RANBP2: variants seen among roughly 807,000 people sequenced by gnomAD.
The protein encoded by RANBP2 is E3 SUMO-protein ligase RanBP2.
Under a neutral mutation model 303.6 loss-of-function variants are expected in RANBP2, and 57 were observed. The observed-to-expected ratio is 0.19, with a 90% confidence interval of 0.15 to 0.23. The LOEUF (loss-of-function observed/expected upper bound fraction) is 0.23, where lower values mean the gene tolerates loss of function less well. Among genes scored for constraint, RANBP2 ranks in the 10% least tolerant of loss-of-function variants. The pLI is 1.00. For missense variants in RANBP2, 3,138 were observed against 3,780.8 expected, an observed-to-expected ratio of 0.83 and a Z score of 4.46; for synonymous variants, 1,167 against 1,301.5, an observed-to-expected ratio of 0.90 and a Z score of 2.23.
the RANBP2 span, among the ~76,000 whole-genome samples, chr2:108,881,989 C>CA: frequency 6.6e-6 from 1 of 151,740 alleles, no homozygotes; most frequent in Non-Finnish European, 1.5e-5. Context: ...ACAAAAAGAG[C>CA]AAAAACAGAA....
chr2:109,062,939 T>G, the RANBP2 span, among the ~76,000 whole-genome samples: 1 of 152,072 alleles, frequency 6.6e-6, no homozygotes, highest in Non-Finnish European at 1.5e-5. Flanking sequence ...TGGTGCCAAC[T>G]GCAGGCAGCC....
the RANBP2 span, among the ~76,000 whole-genome samples, chr2:109,004,944 A>C: frequency 1.3e-5 from 2 of 152,142 alleles, no homozygotes; most frequent in Non-Finnish European, 2.9e-5. Context: ...CCACGCTATC[A>C]CTAATTCTCA....
chr2:109,566,287 A>C, the RANBP2 span, among the ~76,000 whole-genome samples: 1 of 151,698 alleles, frequency 6.6e-6, no homozygotes, highest in East Asian at 1.9e-4. Flanking sequence ...CATCCAGCTA[A>C]TTTTTGCATT....
chr2:109,434,913 C>G, the RANBP2 span, among the ~76,000 whole-genome samples: 1 of 151,866 alleles, frequency 6.6e-6, no homozygotes, highest in East Asian at 1.9e-4. Context: ...ACTGTCTTCT[C>G]CTGCTGCCAG....
At chr2:109,012,900 C>T in the RANBP2 span, among the ~76,000 whole-genome samples, 3 of 152,080 alleles carry the variant, frequency 2.0e-5, no homozygotes, top group East Asian at 3.9e-4. Flanking sequence ...GGCGACAGAG[C>T]GAGACTCCAT....
chr2:109,293,513 A>G, the RANBP2 span, among the ~76,000 whole-genome samples: 2 of 152,122 alleles, frequency 1.3e-5, no homozygotes, highest in African/African-American at 4.8e-5. Context: ...GTCAGCCCCC[A>G]TGTCAGGCAG....
the RANBP2 span, among the ~76,000 whole-genome samples, chr2:108,968,879 C>T: frequency 8.8e-3 from 1,345 of 152,302 alleles, 14 homozygotes; most frequent in African/African-American, 0.029. Flanking sequence ...AGCCCAGTCA[C>T]GGTAGGGTTA....
chr2:108,923,025 G>T, the RANBP2 span, among the ~76,000 whole-genome samples: 2 of 152,176 alleles, frequency 1.3e-5, no homozygotes, highest in Non-Finnish European at 2.9e-5. Flanking sequence ...TTGCCTCTGT[G>T]ATCTCCTTTG....
chr2:108,727,950 C>T (rs58060077), intron 1 of RANBP2, among the ~76,000 whole-genome samples: 1,994 of 152,190 alleles, frequency 0.013, 46 homozygotes, highest in African/African-American at 0.046. Flanking sequence ...AACCAAGGAG[C>T]CAGGCTGTGG....
At chr2:108,786,824 T>C (rs770327350), downstream of RANBP2, 9 of 1,589,060 alleles carry the variant, frequency 5.7e-6, no homozygotes, top group Admixed American at 1.8e-5. Flanking sequence ...CTGTGTGCTA[T>C]GGAGCCGAGG....
Position 108,767,605 on chromosome 2 carries a change from G to T in RANBP2, c.7066G>T (p.Asp2356Tyr). The T allele has an allele frequency of 6.2e-7, 1 of 1,611,940 alleles. No individual in the cohort carries two copies. Among genetic ancestry groups the T allele is most frequent in the Non-Finnish European group, 8.5e-7 (1 of 1,179,826 alleles). Residue 2356 changes from aspartate (D) to tyrosine (Y), a missense_variant, in exon 20 of 29, where the codon GAT becomes TAT. Coordinates refer to ENST00000283195, the MANE Select transcript of RANBP2 (RefSeq NM_006267.5). The stretch of plus-strand genomic sequence containing the variant: ...TCAATGGAAAGAAAGGGGCATTGGT[G>T]ATATAAAGATTTTACAGAATTATGA... ...VGQWKERGIG[D>Y]IKILQNYDNK...
chr2:109,523,003 C>T, the RANBP2 span, among the ~76,000 whole-genome samples: 2 of 152,146 alleles, frequency 1.3e-5, no homozygotes, highest in African/African-American at 4.8e-5. Context: ...TCTGTGAGTC[C>T]GTGTCAGGCA....
At chr2:109,224,863 AT>A in the RANBP2 span, among the ~76,000 whole-genome samples, 2 of 151,984 alleles carry the variant, frequency 1.3e-5, no homozygotes, top group African/African-American at 2.4e-5. Flanking sequence ...TCTCAAAAAA[AT>A]TTTTTTTCAT....
Position 108,772,568 on chromosome 2 carries a change from A to G in RANBP2, c.8100A>G (p.Glu2700=), listed in dbSNP as rs764139070. ...GCTCAGAAAAATGTAGACCCTTGGAAGAAAATACAGCAGGTATGTTAAGTG... is the reference window on the plus strand; with the variant it reads ...GCTCAGAAAAATGTAGACCCTTGGAGGAAAATACAGCAGGTATGTTAAGTG... ...LDGSEKCRPL[E]ENTADNEKEC... The change falls in exon 22 of 29, where the codon GAA becomes GAG. Residue 2700 remains glutamate, a synonymous_variant. Coordinates refer to ENST00000283195, the MANE Select transcript of RANBP2 (RefSeq NM_006267.5). The G allele has an allele frequency of 1.5e-5, 25 of 1,613,514 alleles. No individual in the cohort carries two copies. The Admixed American group carries it at 2.2e-4, about 14-fold the overall frequency.
chr2:109,493,013 C>T, the RANBP2 span, among the ~76,000 whole-genome samples: 1 of 151,846 alleles, frequency 6.6e-6, no homozygotes, highest in African/African-American at 2.4e-5. Context: ...AACATACACT[C>T]ACCACACATA....
At chr2:108,719,703 C>T in intron 1 of RANBP2, 25 bp downstream of exon 1, 1 of 1,580,092 alleles carries the variant, frequency 6.3e-7, no homozygotes, top group Non-Finnish European at 8.6e-7. Context: ...AAGAGACCGA[C>T]GGCCTCGACC....
chr2:109,527,451 C>T, the RANBP2 span, among the ~76,000 whole-genome samples: 1 of 152,166 alleles, frequency 6.6e-6, no homozygotes, highest in Non-Finnish European at 1.5e-5. Context: ...ATGTGTCTCA[C>T]AGATCCTAAA....
chr2:109,398,234 G>A, the RANBP2 span, among the ~76,000 whole-genome samples: 3 of 152,190 alleles, frequency 2.0e-5, no homozygotes, highest in Admixed American at 6.5e-5. Context: ...CTGATATGGG[G>A]CTTCCTTCCC....
At chr2:109,432,343 G>GGGTGT in the RANBP2 span, among the ~76,000 whole-genome samples, 2 of 152,288 alleles carry the variant, frequency 1.3e-5, no homozygotes, top group South Asian at 4.1e-4. Context: ...GAGCTGGGGA[G>GGGTGT]GGTGTGTGAG....
Sources: gnomAD v4.1 joint callset for allele counts (sites outside exome capture counted in the v4.1 genomes callset) on GRCh38, gnomAD v4.1.1 for gene constraint, MANE v1.5 for transcripts, NCBI Gene and HGNC (gene_info 2026-07-23, HGNC 2026-07-21) for gene names.